Variants in CADPS2 observed in about 807,000 individuals in gnomAD.
CADPS2 encodes calcium-dependent secretion activator 2.
CADPS2 carries 93 observed loss-of-function variants against 172.5 expected under a neutral mutation model. That is an observed-to-expected ratio of 0.54 (90% CI 0.46 to 0.64). The LOEUF is 0.64. CADPS2 is among the 30% of genes least tolerant of loss of function. The pLI is 0.00. For synonymous variants in CADPS2, 546 were observed against 555.2 expected, an observed-to-expected ratio of 0.98 and a Z score of 0.23; for missense variants, 1,420 against 1,565.9, an observed-to-expected ratio of 0.91 and a Z score of 1.57.
At chr7:122,331,042 G>A (rs572157740) in intron 28 of CADPS2, 1 of 152,138 alleles carries the variant, frequency 6.6e-6, no homozygotes, top group Non-Finnish European at 1.5e-5. Flanking sequence ...TTGTAAAAAT[G>A]AATGGAAGAG....
intron 1 of CADPS2, among the ~76,000 whole-genome samples, chr7:122,814,236 A>G (rs919185919): frequency 6.6e-6 from 1 of 151,814 alleles, no homozygotes; most frequent in African/African-American, 2.4e-5. Context: ...GACTAGTAAA[A>G]TCTTAACAGA....
chr7:122,558,355 C>A (rs2132113971), intron 7 of CADPS2, among the ~76,000 whole-genome samples: 1 of 152,282 alleles, frequency 6.6e-6, no homozygotes, highest in African/African-American at 2.4e-5. Context: ...TTAAATTAAA[C>A]TATAGCTCTG....
chr7:122,459,754 C>A (rs535692618), intron 14 of CADPS2, among the ~76,000 whole-genome samples: 1 of 152,096 alleles, frequency 6.6e-6, no homozygotes, highest in Non-Finnish European at 1.5e-5. Flanking sequence ...AAACAGATGG[C>A]CCAATGTCAT....
chr7:122,633,076 C>T (rs1020826978), intron 3 of CADPS2, among the ~76,000 whole-genome samples: 1 of 152,020 alleles, frequency 6.6e-6, no homozygotes, highest in African/African-American at 2.4e-5. Context: ...TGTACTAGTA[C>T]GATGCTGTTT....
chr7:122,658,451 A>C (rs866489376), intron 3 of CADPS2, among the ~76,000 whole-genome samples: 2 of 152,224 alleles, frequency 1.3e-5, no homozygotes, highest in Non-Finnish European at 2.9e-5. Flanking sequence ...ATGTTTATTG[A>C]GGCACTATTC....
chr7:122,351,183 G>A (rs895855361), intron 27 of CADPS2, among the ~76,000 whole-genome samples: 3 of 151,038 alleles, frequency 2.0e-5, no homozygotes, highest in Admixed American at 6.6e-5. Flanking sequence ...TGGCTAACAC[G>A]GTGTGTTACT....
intron 25 of CADPS2, among the ~76,000 whole-genome samples, chr7:122,366,410 C>T (rs1438721051): frequency 6.7e-6 from 1 of 149,104 alleles, no homozygotes; most frequent in Non-Finnish European, 1.5e-5. Context: ...TGAGACCAGC[C>T]TGGCCAACAT....
intron 14 of CADPS2, among the ~76,000 whole-genome samples, chr7:122,453,655 C>T (rs1263433690): frequency 2.0e-5 from 3 of 152,146 alleles, no homozygotes; most frequent in Non-Finnish European, 4.4e-5. Context: ...GGCTTAGCTA[C>T]CTGGCAGATG....
At chr7:122,780,246 G>A (rs1004775797) in intron 1 of CADPS2, among the ~76,000 whole-genome samples, 1 of 151,774 alleles carries the variant, frequency 6.6e-6, no homozygotes, top group Non-Finnish European at 1.5e-5. Flanking sequence ...TCCATTGAAG[G>A]TCCTTTACTG....
intron 3 of CADPS2, among the ~76,000 whole-genome samples, chr7:122,638,939 A>G (rs1006015587): frequency 1.3e-5 from 2 of 152,198 alleles, no homozygotes; most frequent in African/African-American, 2.4e-5. Context: ...AGAGCAGTAC[A>G]CACTAGCTCC....
In CADPS2 at chr7:122,663,164, C is replaced by G. The variant is rs532957788; in HGVS notation, c.786+73G>C. ...GATTATAGCAAGTAAAGGACATCTTCATAGGCTTGTAAATACTTCATGTTC... is the reference window on the plus strand; with the variant it reads ...GATTATAGCAAGTAAAGGACATCTTGATAGGCTTGTAAATACTTCATGTTC... On this transcript the variant is annotated intron_variant, in intron 3 of 29. Transcript: ENST00000449022. 5.4e-6 allele frequency: 6 copies of G among 1,117,764 alleles called. No homozygotes were observed. The Admixed American group carries it at 1.2e-4, about 23-fold the overall frequency. 69.2% of individuals were successfully genotyped at this position (1,117,764 alleles called of 1,614,324 possible).
rs576814365 is a variant in CADPS2, at chr7:122,356,817, C to T, written c.3504+3971G>A. On this transcript the variant is annotated intron_variant, in intron 27 of 29. Transcript: ENST00000449022. ...TGTGTCTCTTTGAAACACAGAGTTT[C>T]CAGTTTTGTGTTTTTTGTGAACATC... 4.6e-5 allele frequency among the ~76,000 whole-genome samples: 7 copies of T among 152,238 alleles called. No individual in the cohort carries two copies. In the South Asian group the frequency reaches 1.5e-3, roughly 32 times the overall value.
intron 27 of CADPS2, among the ~76,000 whole-genome samples, chr7:122,357,790 T>A (rs1285248323): frequency 6.6e-6 from 1 of 152,208 alleles, no homozygotes. Flanking sequence ...GATTCATCCA[T>A]GTCTTCATGT....
At chr7:122,439,836 C>G (rs528613336) in intron 16 of CADPS2, among the ~76,000 whole-genome samples, 136 of 152,118 alleles carry the variant, frequency 8.9e-4, no homozygotes, top group African/African-American at 3.0e-3. Flanking sequence ...TATGCGGAAC[C>G]ACGAACGTTA....
chr7:122,874,064 T>A (rs1326347136), intron 1 of CADPS2, among the ~76,000 whole-genome samples: 1 of 152,184 alleles, frequency 6.6e-6, no homozygotes, highest in Admixed American at 6.5e-5. Context: ...TATTAGCCCT[T>A]TGTCAGATGG....
Position 122,645,281 on chromosome 7 carries a change from ACATATG to A in CADPS2, c.787-15959_787-15954del, listed in dbSNP as rs1333621213. Among the ~76,000 whole-genome samples, 902 of 142,050 alleles carry A rather than the reference ACATATG, an allele frequency of 6.3e-3. 12 individuals are homozygous for A. Among genetic ancestry groups the A allele is most frequent in the Non-Finnish European group, 0.011 (694 of 65,044 alleles). The allele number at this position is 142,050 out of a possible 152,430, so 93.2% of individuals were successfully genotyped here. Reference sequence around the variant, plus strand: ...TGTGTATACATGTACATATATACACACATATGTACATATATACACATATGTACATGT... The same window carrying A: ...TGTGTATACATGTACATATATACACATACATATATACACATATGTACATGT... On this transcript the variant is annotated intron_variant, in intron 3 of 29. Coordinates refer to ENST00000449022, the MANE Select transcript of CADPS2 (RefSeq NM_017954.11).
At chr7:122,669,902 T>G (rs564806622) in intron 2 of CADPS2, among the ~76,000 whole-genome samples, 1 of 151,940 alleles carries the variant, frequency 6.6e-6, no homozygotes, top group African/African-American at 2.4e-5. Flanking sequence ...TCTCAGTGAG[T>G]GACAGATCCC....
chr7:122,730,522 T>TAAC (rs975476222), intron 2 of CADPS2, among the ~76,000 whole-genome samples: 3 of 151,612 alleles, frequency 2.0e-5, no homozygotes, highest in East Asian at 3.9e-4. Flanking sequence ...AAAACATAAC[T>TAAC]AATAAGCAAG....
chr7:122,547,160 C>T (rs1395251671), intron 8 of CADPS2, among the ~76,000 whole-genome samples: 3 of 151,678 alleles, frequency 2.0e-5, no homozygotes, highest in Non-Finnish European at 4.4e-5. Context: ...CTGGGGTATA[C>T]TCTACCCACA....
Sources: gnomAD v4.1 joint callset for allele counts (sites outside exome capture counted in the v4.1 genomes callset) on GRCh38, gnomAD v4.1.1 for gene constraint, MANE v1.5 for transcripts, NCBI Gene and HGNC (gene_info 2026-07-23, HGNC 2026-07-21) for gene names.